HHLA1: variants seen among roughly 807,000 people sequenced by gnomAD.
The protein encoded by HHLA1 is HHLA1 neighbor of OC90.
In HHLA1, 72 loss-of-function variants were observed where a neutral mutation model predicts 69.9. The ratio of observed to expected loss-of-function variants is 1.03; its 90% CI spans 0.85 to 1.25. HHLA1 has a LOEUF of 1.25. Among genes scored for constraint, HHLA1 ranks in the 50% most tolerant of loss-of-function variants. HHLA1 has a pLI of 0.00. For synonymous variants in HHLA1, 252 were observed against 233.2 expected, an observed-to-expected ratio of 1.08 and a Z score of -0.73; for missense variants, 685 against 642.2, an observed-to-expected ratio of 1.07 and a Z score of -0.72.
Position 132,077,909 on chromosome 8 carries a change from A to G in HHLA1, c.988T>C (p.Ser330Pro). Residue 330 changes from serine (S) to proline (P), a missense_variant, in exon 12 of 17, where the codon TCG (serine) becomes CCG (proline). Coordinates refer to ENST00000414222, the MANE Select transcript of HHLA1 (RefSeq NM_001145095.3). Reference sequence around the variant, plus strand: ...ATGGTCTGAGCCCAGGGCACGGACGATATGGAAGCCCACGTCTGTCTGTCA... The same window carrying G: ...ATGGTCTGAGCCCAGGGCACGGACGGTATGGAAGCCCACGTCTGTCTGTCA... ...TADRQTWASI[S>P]SVPWAQTISE... 6.4e-7 allele frequency: 1 copy of G among 1,551,564 alleles called. No individual in the cohort carries two copies. The highest frequency in any genetic ancestry group is 8.7e-7 in the Non-Finnish European group (1 of 1,146,930).
chr8:132,089,451 T>C, intron 8 of HHLA1, 65 bp downstream of exon 8: 1 of 867,456 alleles, frequency 1.2e-6, no homozygotes, highest in Non-Finnish European at 1.9e-6. Flanking sequence ...CATAATATGC[T>C]TCATTATCTA....
intron 10 of HHLA1, among the ~76,000 whole-genome samples, chr8:132,083,284 T>A (rs1384669247): frequency 1.3e-5 from 2 of 151,116 alleles, no homozygotes; most frequent in Non-Finnish European, 3.0e-5. Flanking sequence ...GGCACCAGAG[T>A]TGGGGAGTTT....
At chr8:132,102,428 A>T (rs1160449173) in intron 3 of HHLA1, among the ~76,000 whole-genome samples, 1 of 152,208 alleles carries the variant, frequency 6.6e-6, no homozygotes, top group Admixed American at 6.5e-5. Context: ...TAACAGGGCT[A>T]CTGGAGGCAA....
intron 14 of HHLA1, among the ~76,000 whole-genome samples, chr8:132,072,064 T>C (rs1823556032): frequency 6.6e-6 from 1 of 152,134 alleles, no homozygotes; most frequent in Non-Finnish European, 1.5e-5. Flanking sequence ...AAGATGAGAC[T>C]GGCATGCTGG....
chr8:132,110,318 A>C (rs1488128938), intron 1 of HHLA1, among the ~76,000 whole-genome samples: 1 of 152,096 alleles, frequency 6.6e-6, no homozygotes, highest in Non-Finnish European at 1.5e-5. Context: ...AAGAGAAACC[A>C]GAAGCCTGGG....
At position 132,077,991 on chromosome 8, in the gene HHLA1, G is replaced by A; in HGVS notation, c.926-20C>T. ...TGGTAGCTGCACATTCAAAGTGACA[G>A]TAACAGGGTACAGACATGCTTGACC... On this transcript the variant is annotated intron_variant, in intron 11 of 16. Coordinates refer to ENST00000414222, the MANE Select transcript of HHLA1 (RefSeq NM_001145095.3). The A allele has an allele frequency of 6.4e-7, 1 of 1,551,334 alleles. No individual in the cohort carries two copies. The highest frequency in any genetic ancestry group is 8.7e-7 in the Non-Finnish European group (1 of 1,146,678).
chr8:132,092,023 C>T (rs1395317926), intron 7 of HHLA1, among the ~76,000 whole-genome samples: 1 of 152,134 alleles, frequency 6.6e-6, no homozygotes, highest in East Asian at 1.9e-4. Flanking sequence ...TTAAATAAAT[C>T]ATGGTACATT....
In HHLA1 at chr8:132,076,149, C is replaced by T. The variant is rs1196307062; in HGVS notation, c.1241-20G>A. ...GATCACCTGCAAAGGGCAGGAATGG[C>T]CTTCCAGAAGTCAGAATGGAATTAC... On this transcript the variant is annotated intron_variant, in intron 13 of 16. Transcript: ENST00000414222. The T allele has an allele frequency of 3.2e-6, 5 of 1,538,788 alleles. No homozygotes were observed. In the African/African-American group the frequency reaches 6.9e-5, roughly 21 times the overall value.
chr8:132,069,793 C>T (rs1413029779), intron 15 of HHLA1: 2 of 152,010 alleles, frequency 1.3e-5, no homozygotes, highest in Non-Finnish European at 2.9e-5. Flanking sequence ...TGATTCACCT[C>T]TAGATCCCCA....
chr8:132,099,503 G>A (rs937145968), intron 4 of HHLA1, among the ~76,000 whole-genome samples: 3 of 152,210 alleles, frequency 2.0e-5, no homozygotes, highest in Non-Finnish European at 4.4e-5. Flanking sequence ...TGTAGCAGGA[G>A]TGGCAGTGTG....
At chr8:132,082,713 A>G (rs1823777981) in intron 10 of HHLA1, among the ~76,000 whole-genome samples, 1 of 152,130 alleles carries the variant, frequency 6.6e-6, no homozygotes, top group Non-Finnish European at 1.5e-5. Context: ...TGAAAAAAGC[A>G]TCTTTAAGAT....
chr8:132,062,386 G>A lies in HHLA1; in HGVS notation c.*1609C>T, dbSNP rs148237691. On this transcript the variant is annotated 3_prime_UTR_variant, in exon 17 of 17. Coordinates refer to ENST00000414222, the MANE Select transcript of HHLA1 (RefSeq NM_001145095.3). ...GTTCTACCTCCCCAGGCACCTTGTG[G>A]TTCACAGGAGTGCCAGGGAACTCAG... 1.4e-4 allele frequency: 22 copies of A among 152,308 alleles called. No homozygotes were observed. Among genetic ancestry groups the A allele is most frequent in the Non-Finnish European group, 3.1e-4 (21 of 68,036 alleles). 9.4% of individuals were successfully genotyped at this position (152,308 alleles called of 1,614,324 possible).
At chr8:132,108,152 C>G (rs1035177163) in intron 1 of HHLA1, among the ~76,000 whole-genome samples, 3 of 152,300 alleles carry the variant, frequency 2.0e-5, no homozygotes, top group Admixed American at 1.3e-4. Context: ...GTGCAACTTA[C>G]TAAACCTCTC....
chr8:132,082,553 A>G (rs1005387051), intron 10 of HHLA1, among the ~76,000 whole-genome samples: 3 of 152,070 alleles, frequency 2.0e-5, no homozygotes, highest in African/African-American at 7.2e-5. Context: ...GTAACAGATG[A>G]GGAAGAAATT....
chr8:132,108,823 C>A (rs541948268), intron 1 of HHLA1, among the ~76,000 whole-genome samples: 1 of 152,220 alleles, frequency 6.6e-6, no homozygotes, highest in East Asian at 1.9e-4. Flanking sequence ...GGCACACAAA[C>A]CTCACAAAAA....
intron 16 of HHLA1, among the ~76,000 whole-genome samples, chr8:132,065,355 T>C (rs1288336353): frequency 2.0e-5 from 3 of 152,172 alleles, no homozygotes; most frequent in South Asian, 2.1e-4. Flanking sequence ...AATCTCGGCT[T>C]ACTGCAAGCT....
At chr8:132,070,456 A>C in intron 15 of HHLA1, 1 of 691,770 alleles carries the variant, frequency 1.4e-6, no homozygotes, top group South Asian at 1.5e-5. Context: ...TTTGGATTAA[A>C]GAACCACTCA....
At position 132,065,972 on chromosome 8, in the gene HHLA1, A is replaced by C. The variant is rs1382934335; in HGVS notation, c.1470-4T>G. 3.2e-6 allele frequency: 4 copies of C among 1,261,302 alleles called. No homozygotes were observed. Among genetic ancestry groups the C allele is most frequent in the Admixed American group, 2.3e-5 (1 of 43,480 alleles). The allele number at this position is 1,261,302 out of a possible 1,614,324, so 78.1% of individuals were successfully genotyped here. ...GGAATAGTATTCAAGACAGTATCTA[A>C]AGATTTAAATCAGAGCAGGGAGCAA... On this transcript the variant is annotated splice_polypyrimidine_tract_variant and splice_region_variant and intron_variant, in intron 15 of 16. Coordinates refer to ENST00000414222, the MANE Select transcript of HHLA1 (RefSeq NM_001145095.3).
chr8:132,105,155 A>C (rs1190248701), intron 2 of HHLA1, 32 bp downstream of exon 2: 19 of 1,487,972 alleles, frequency 1.3e-5, no homozygotes, highest in Non-Finnish European at 1.7e-5. Flanking sequence ...ATTATACAGA[A>C]CAGACACTTG....
Sources: gnomAD v4.1 joint callset for allele counts (sites outside exome capture counted in the v4.1 genomes callset) on GRCh38, gnomAD v4.1.1 for gene constraint, MANE v1.5 for transcripts, NCBI Gene and HGNC (gene_info 2026-07-23, HGNC 2026-07-21) for gene names.